KMT2C: variants seen among roughly 807,000 people sequenced by gnomAD.
KMT2C encodes histone-lysine N-methyltransferase 2C.
A neutral mutation model predicts 507.9 loss-of-function variants in KMT2C; 88 were observed. The ratio of observed to expected loss-of-function variants is 0.17; its 90% CI spans 0.15 to 0.21. The LOEUF (loss-of-function observed/expected upper bound fraction) is 0.21, where lower values mean the gene tolerates loss of function less well. Ranked by LOEUF, KMT2C falls within the 10% of genes least tolerant of loss-of-function variation. The pLI is 1.00. For synonymous variants in KMT2C, 2,049 were observed against 2,080.8 expected, an observed-to-expected ratio of 0.98 and a Z score of 0.42; for missense variants, 4,954 against 5,957.8, an observed-to-expected ratio of 0.83 and a Z score of 5.55.
In KMT2C at chr7:152,250,846, T is replaced by G. The variant is rs535955539; in HGVS notation, c.1735+7A>C. The G allele has an allele frequency of 8.3e-5, 119 of 1,442,004 alleles. No individual in the cohort carries two copies. The highest frequency in any genetic ancestry group is 1.1e-4 in the Non-Finnish European group (116 of 1,024,758). 89.3% of individuals were successfully genotyped at this position (1,442,004 alleles called of 1,614,324 possible). A position where few individuals can be genotyped will look rare whatever the true frequency, so the allele number is the denominator to read the frequency against. ...AAAAACAGAGTATATCCATTAAACATTCTTACCATCTGGAACAATTCCAGG... is the reference window on the plus strand; with the variant it reads ...AAAAACAGAGTATATCCATTAAACAGTCTTACCATCTGGAACAATTCCAGG... On this transcript the variant is annotated splice_region_variant and intron_variant, in intron 12 of 58. Coordinates refer to ENST00000262189, the MANE Select transcript of KMT2C (RefSeq NM_170606.3).
chr7:152,302,571 T>C (rs1444897608), intron 6 of KMT2C, among the ~76,000 whole-genome samples: 1 of 152,200 alleles, frequency 6.6e-6, no homozygotes, highest in East Asian at 1.9e-4. Flanking sequence ...TGGGGGTTTA[T>C]GGATTACTTC....
At chr7:152,411,735 A>G (rs2097686778) in intron 1 of KMT2C, among the ~76,000 whole-genome samples, 1 of 152,264 alleles carries the variant, frequency 6.6e-6, no homozygotes, top group South Asian at 2.1e-4. Flanking sequence ...ATTTCAAATA[A>G]CCCAACAGGT....
intron 1 of KMT2C, among the ~76,000 whole-genome samples, chr7:152,385,859 G>T (rs917132802): frequency 6.6e-6 from 1 of 151,646 alleles, no homozygotes; most frequent in Non-Finnish European, 1.5e-5. Context: ...AGGCTGAGGC[G>T]GGTGAATCAC....
At position 152,176,492 on chromosome 7, in the gene KMT2C, C is replaced by G. The variant is rs1313292456; in HGVS notation, c.8961G>C (p.Val2987=). Residue 2987 remains valine, a synonymous_variant, in exon 38 of 59, where the codon GTG becomes GTC. Transcript: ENST00000262189. The part of the protein sequence containing the change: ...SRVNHVFSQG[V]QVNPGLIPGQ... ...CTGGAATGAGCCCTGGGTTTACCTG[C>G]ACACCCTGAGAAAAAACATGGTTTA... The G allele has an allele frequency of 1.2e-6, 2 of 1,614,146 alleles. No individual in the cohort carries two copies. Among genetic ancestry groups the G allele is most frequent in the East Asian group, 4.5e-5 (2 of 44,876 alleles).
intron 6 of KMT2C, among the ~76,000 whole-genome samples, chr7:152,299,022 C>A (rs947141340): frequency 6.6e-6 from 1 of 152,066 alleles, no homozygotes; most frequent in African/African-American, 2.4e-5. Context: ...AAACTGGAAT[C>A]ATAATAAATA....
intron 5 of KMT2C, 128 bp downstream of exon 5, chr7:152,311,669 GA>G: frequency 2.9e-6 from 2 of 692,506 alleles, no homozygotes; most frequent in East Asian, 2.9e-5. Context: ...ATTTAATAAT[GA>G]TTTTTTTATA....
chr7:152,210,491 C>T (rs1162060237), intron 23 of KMT2C, among the ~76,000 whole-genome samples: 1 of 151,998 alleles, frequency 6.6e-6, no homozygotes, highest in Non-Finnish European at 1.5e-5. Context: ...AAATGCAGCC[C>T]AACACAAATT....
Position 152,180,909 on chromosome 7 carries a change from T to C in KMT2C, c.6951A>G (p.Gln2317=), listed in dbSNP as rs1465945340. The change falls in exon 36 of 59, where the codon CAA becomes CAG. Residue 2317 remains glutamine (Q), a synonymous_variant. Coordinates refer to ENST00000262189, the MANE Select transcript of KMT2C (RefSeq NM_170606.3). The part of the protein sequence containing the change: ...RSQSDSFGTS[Q]TAHDVADQPR... ...GCTGATCAGCAACATCATGGGCAGT[T>C]TGACTTGTTCCAAAAGAGTCAGACT... 5 of 1,614,088 alleles carry C rather than the reference T, an allele frequency of 3.1e-6. No homozygotes were observed. Among genetic ancestry groups the C allele is most frequent in the African/African-American group, 1.3e-5 (1 of 74,940 alleles).
At chr7:152,371,410 G>A (rs1318842314) in intron 1 of KMT2C, among the ~76,000 whole-genome samples, 1 of 151,926 alleles carries the variant, frequency 6.6e-6, no homozygotes, top group East Asian at 1.9e-4. Context: ...AAGAACCAAC[G>A]CATATCACTA....
intron 6 of KMT2C, among the ~76,000 whole-genome samples, chr7:152,296,339 C>A (rs2096495655): frequency 6.7e-6 from 1 of 150,322 alleles, no homozygotes; most frequent in Non-Finnish European, 1.5e-5. Flanking sequence ...GAGGCTGAGG[C>A]AAGAGAATCA....
intron 1 of KMT2C, among the ~76,000 whole-genome samples, chr7:152,415,623 G>A (rs1435167767): frequency 6.6e-6 from 1 of 152,208 alleles, no homozygotes; most frequent in Non-Finnish European, 1.5e-5. Context: ...GCTCATGCCT[G>A]TAATCCCAAC....
At chr7:152,257,024 C>T (rs2095671893) in intron 9 of KMT2C, among the ~76,000 whole-genome samples, 2 of 152,118 alleles carry the variant, frequency 1.3e-5, no homozygotes, top group South Asian at 4.1e-4. Flanking sequence ...ACAGATTTGT[C>T]CCTGAGAATT....
intron 7 of KMT2C, among the ~76,000 whole-genome samples, chr7:152,269,477 GAAATT>G (rs1321303951): frequency 2.6e-5 from 4 of 152,272 alleles, no homozygotes; most frequent in Non-Finnish European, 5.9e-5. Flanking sequence ...TGTCATGACA[GAAATT>G]AAATATGAAT....
In KMT2C at chr7:152,215,864, C is replaced by A. The variant is rs768045162; in HGVS notation, c.3712+4659G>T. ...GGAAAGGGAGAGACTTCACTGTTTA[C>A]CTTTTAATTATTTTCCAATTTTAAA... On this transcript the variant is annotated intron_variant, in intron 23 of 58. Transcript: ENST00000262189. 9.9e-5 allele frequency among the ~76,000 whole-genome samples: 15 copies of A among 152,014 alleles called. No homozygotes were observed. In the East Asian group the frequency reaches 1.2e-3, roughly 12 times the overall value.
intron 1 of KMT2C, among the ~76,000 whole-genome samples, chr7:152,385,983 G>T (rs1280094260): frequency 6.6e-6 from 1 of 151,800 alleles, no homozygotes; most frequent in East Asian, 1.9e-4. Context: ...AGCTACTTGG[G>T]AGGCTGAGGC....
intron 52 of KMT2C, 46 bp from the exon 53 acceptor site, chr7:152,146,781 T>C (rs1168249246): frequency 1.9e-5 from 29 of 1,554,912 alleles, no homozygotes; most frequent in Non-Finnish European, 2.6e-5. Flanking sequence ...TAGGATACAG[T>C]ATAAAAAACA....
At chr7:152,284,148 TAA>T (rs887115222) in intron 6 of KMT2C, among the ~76,000 whole-genome samples, 124 of 152,276 alleles carry the variant, frequency 8.1e-4, no homozygotes, top group African/African-American at 2.8e-3. Context: ...GCTACAGGTA[TAA>T]AACTGTTTTA....
At chr7:152,202,122 C>G (rs2094162304) in intron 26 of KMT2C, among the ~76,000 whole-genome samples, 1 of 152,062 alleles carries the variant, frequency 6.6e-6, no homozygotes, top group Non-Finnish European at 1.5e-5. Context: ...CTGTGTAAGC[C>G]ATAGTTTCTT....
At chr7:152,275,609 TA>T (rs982333192) in intron 6 of KMT2C, among the ~76,000 whole-genome samples, 1 of 152,190 alleles carries the variant, frequency 6.6e-6, no homozygotes, top group Non-Finnish European at 1.5e-5. Flanking sequence ...TCTTCATTGA[TA>T]AAGTGTAATA....
Sources: allele counts gnomAD v4.1 joint callset (sites outside exome capture counted in the v4.1 genomes callset), GRCh38; gene constraint gnomAD v4.1.1; transcripts MANE v1.5; gene names NCBI Gene and HGNC (gene_info 2026-07-23, HGNC 2026-07-21).